Variants in MYT1L observed in about 807,000 individuals in gnomAD.
MYT1L encodes the protein myelin transcription factor 1 like.
MYT1L carries 12 observed loss-of-function variants against 126.7 expected under a neutral mutation model. That is an observed-to-expected ratio of 0.09 (90% CI 0.06 to 0.15). The LOEUF (loss-of-function observed/expected upper bound fraction) is 0.15. MYT1L is among the 10% of genes least tolerant of loss of function. The pLI, the probability that MYT1L is intolerant of heterozygous loss-of-function variation, is 1.00. For synonymous variants in MYT1L, 541 were observed against 604.2 expected, an observed-to-expected ratio of 0.90 and a Z score of 1.53; for missense variants, 979 against 1,585.2, an observed-to-expected ratio of 0.62 and a Z score of 6.49.
Position 1,881,546 on chromosome 2 carries a change from C to T in MYT1L, c.2711+4993G>A, listed in dbSNP as rs183205771. Among the ~76,000 whole-genome samples the T allele has an allele frequency of 1.8e-3, 278 of 152,062 alleles. 2 individuals carry two copies. Among genetic ancestry groups the T allele is most frequent in the African/African-American group, 6.3e-3 (260 of 41,440 alleles). On this transcript the variant is annotated intron_variant, in intron 18 of 24. Coordinates refer to ENST00000647738, the MANE Select transcript of MYT1L (RefSeq NM_001303052.2). ...TTTGTAGGATTTTTTTTGTAAATGC[C>T]GTAGTGCAAACTTTATAAACCATTT... is the stretch of plus-strand genomic sequence containing the variant.
rs116741431 is a variant in MYT1L, at chr2:2,229,075, A to G, written c.-421+55329T>C. Among the ~76,000 whole-genome samples, 1,440 of 152,320 alleles carry G rather than the reference A, an allele frequency of 9.5e-3. 39 individuals carry two copies. Among genetic ancestry groups the G allele is most frequent in the African/African-American group, 0.033 (1,377 of 41,564 alleles). ...TTTACAAATGTATCACTCTGTGTAT[A>G]CACATACATACATAAATATACAGAG... On this transcript the variant is annotated intron_variant, in intron 2 of 24. Coordinates refer to ENST00000647738, the MANE Select transcript of MYT1L (RefSeq NM_001303052.2).
chr2:2,265,623 A>G (rs1477409070), intron 2 of MYT1L, among the ~76,000 whole-genome samples: 1 of 152,112 alleles, frequency 6.6e-6, no homozygotes, highest in Admixed American at 6.5e-5. Flanking sequence ...GAAGAACTTC[A>G]TTGTTTAAGA....
chr2:2,089,554 G>T (rs911118818), intron 3 of MYT1L, among the ~76,000 whole-genome samples: 3 of 152,288 alleles, frequency 2.0e-5, no homozygotes, highest in East Asian at 3.9e-4. Context: ...CATTTATATG[G>T]GGTGTGCAGA....
In MYT1L at chr2:1,943,581, G is replaced by A. The variant is rs2056903932; in HGVS notation, c.153-247C>T. 6.6e-6 allele frequency among the ~76,000 whole-genome samples: 1 copy of A among 152,168 alleles called. No homozygotes were observed. The highest frequency in any genetic ancestry group is 2.4e-5 in the African/African-American group (1 of 41,442). On this transcript the variant is annotated intron_variant, in intron 8 of 24. Transcript: ENST00000647738. This position sits in a 1 kb window ranked among gnomAD's most constrained non-coding sequence, Gnocchi z 4.4. ...TAGTTACCATTCACATTTAGTCCAA[G>A]TCTCCTAGTTCCTCGTTCCTATAAT...
At chr2:2,100,149 G>A (rs962392413) in intron 3 of MYT1L, among the ~76,000 whole-genome samples, 1 of 152,152 alleles carries the variant, frequency 6.6e-6, no homozygotes, top group Non-Finnish European at 1.5e-5. Flanking sequence ...AAGGATGTAT[G>A]TTATTTATAC....
At position 1,889,262 on chromosome 2, in the gene MYT1L, CTCG is replaced by C; in HGVS notation, c.2496_2498del (p.Asp832del). On this transcript the variant is annotated inframe_deletion, in exon 16 of 25. Coordinates refer to ENST00000647738, the MANE Select transcript of MYT1L (RefSeq NM_001303052.2). This position sits in a 1 kb window ranked among gnomAD's most constrained non-coding sequence, Gnocchi z 4.1. ...ATACAGTAATGTCTTTGGACTCGTC[CTCG>C]TCTATCCTCCGGGGTTTCATTTTGG... The C allele has an allele frequency of 6.2e-7, 1 of 1,613,904 alleles. No homozygotes were observed.
intron 4 of MYT1L, among the ~76,000 whole-genome samples, chr2:2,003,556 C>T (rs900115941): frequency 2.7e-4 from 41 of 152,212 alleles, no homozygotes; most frequent in Admixed American, 6.5e-4. Context: ...CTGCTTCCTC[C>T]GGCAGCCACA....
chr2:2,012,842 C>G (rs978771205), intron 4 of MYT1L, among the ~76,000 whole-genome samples: 13 of 152,196 alleles, frequency 8.5e-5, no homozygotes, highest in Non-Finnish European at 1.8e-4. Context: ...TGCAGGGTGC[C>G]TCATTGCACT....
At chr2:1,965,107 C>G (rs1244231466) in intron 8 of MYT1L, among the ~76,000 whole-genome samples, 1 of 152,164 alleles carries the variant, frequency 6.6e-6, no homozygotes, top group Non-Finnish European at 1.5e-5. Flanking sequence ...TTCCCAAGAC[C>G]CAGGGATCAG....
At chr2:1,821,586 T>C (rs1452216485) in intron 21 of MYT1L, among the ~76,000 whole-genome samples, 1 of 152,240 alleles carries the variant, frequency 6.6e-6, no homozygotes, top group Non-Finnish European at 1.5e-5. Context: ...TGCCCCCTGG[T>C]AAGGCTGGTT....
chr2:1,873,944 T>C (rs2046554678), intron 18 of MYT1L, among the ~76,000 whole-genome samples: 1 of 151,788 alleles, frequency 6.6e-6, no homozygotes. Context: ...TGGAGAGGGA[T>C]GGTCAAAGAT....
intron 18 of MYT1L, among the ~76,000 whole-genome samples, chr2:1,884,709 GAC>G (rs2047958274): frequency 6.6e-6 from 1 of 152,204 alleles, no homozygotes; most frequent in Admixed American, 6.5e-5. Flanking sequence ...GATAGGTTTA[GAC>G]ACATGTGTGG....
At position 1,809,174 on chromosome 2, in the gene MYT1L, A is replaced by G. The variant is rs762671048; in HGVS notation, c.3081-7T>C. On this transcript the variant is annotated splice_region_variant and splice_polypyrimidine_tract_variant and intron_variant, in intron 21 of 24. Coordinates refer to ENST00000647738, the MANE Select transcript of MYT1L (RefSeq NM_001303052.2). ...TCTCGGGCATCCTGACAAGCTGTGG[A>G]CAAGACACAGGACGGCCATTAGTCA... is the stretch of plus-strand genomic sequence containing the variant. The G allele has an allele frequency of 1.9e-6, 3 of 1,613,646 alleles. No individual in the cohort carries two copies. The highest frequency in any genetic ancestry group is 2.7e-5 in the African/African-American group (2 of 74,918).
intron 1 of MYT1L, among the ~76,000 whole-genome samples, chr2:2,300,767 G>C (rs1014558736): frequency 6.6e-6 from 1 of 152,190 alleles, no homozygotes; most frequent in Non-Finnish European, 1.5e-5. Flanking sequence ...GGCTGTGCAA[G>C]CTTTCTTTGA....
intron 19 of MYT1L, among the ~76,000 whole-genome samples, chr2:1,846,644 C>A: frequency 6.6e-6 from 1 of 152,064 alleles, no homozygotes; most frequent in Non-Finnish European, 1.5e-5. Flanking sequence ...CCTCGTGGCC[C>A]CCAGGCCAAA....
At chr2:2,286,894 CGATGTCACTA>C (rs1376063000) in intron 1 of MYT1L, among the ~76,000 whole-genome samples, 8 of 152,158 alleles carry the variant, frequency 5.3e-5, no homozygotes, top group African/African-American at 1.9e-4. Flanking sequence ...AGTGTCAAAG[CGATGTCACTA>C]GGTTCTATTT....
chr2:1,852,426 C>T lies in MYT1L; in HGVS notation c.2712-723G>A, dbSNP rs191905966. 5.3e-5 allele frequency among the ~76,000 whole-genome samples: 8 copies of T among 152,248 alleles called. No individual in the cohort carries two copies. The highest frequency in any genetic ancestry group is 5.2e-4 in the Admixed American group (8 of 15,304). ...CATACACTCATCTGCTGAAGCCTAC[C>T]GAGGCAACCCCATCCCGTTTCTTAA... On this transcript the variant is annotated intron_variant, in intron 18 of 24. Transcript: ENST00000647738. This position sits in a 1 kb window ranked among gnomAD's most constrained non-coding sequence, Gnocchi z 4.0.
rs1011223972 is a variant in MYT1L at position 1,979,630 on chromosome 2, G to T, written c.56-76C>A. 2.0e-5 allele frequency: 32 copies of T among 1,601,316 alleles called. No individual in the cohort carries two copies. Among genetic ancestry groups the T allele is most frequent in the Non-Finnish European group, 2.0e-5 (23 of 1,168,592 alleles). ...CTCTTCCACAGAAAATTACCAAAAG[G>T]GTGGCATGAAAGTGGGGTCAGAATC... On this transcript the variant is annotated intron_variant, in intron 6 of 24. Coordinates refer to ENST00000647738, the MANE Select transcript of MYT1L (RefSeq NM_001303052.2). The surrounding 1 kb of genome is among the most constrained non-coding windows in gnomAD (Gnocchi z 4.0).
At chr2:2,129,020 G>A (rs1488039983) in intron 3 of MYT1L, among the ~76,000 whole-genome samples, 1 of 152,194 alleles carries the variant, frequency 6.6e-6, no homozygotes, top group Non-Finnish European at 1.5e-5. Context: ...ACAGTGGTTG[G>A]AGACAAAAAA....
Sources: allele counts gnomAD v4.1 joint callset (sites outside exome capture counted in the v4.1 genomes callset), GRCh38; gene constraint gnomAD v4.1.1; non-coding constraint Gnocchi (gnomAD v3.1); transcripts MANE v1.5; gene names NCBI Gene and HGNC (gene_info 2026-07-23, HGNC 2026-07-21).